The following PDGFC variants were observed in gnomAD, a reference collection of about 807,000 sequenced individuals.
PDGFC encodes platelet-derived growth factor C.
PDGFC carries 12 observed loss-of-function variants against 35.5 expected under a neutral mutation model. The observed-to-expected ratio is 0.34, with a 90% CI of 0.22 to 0.55. PDGFC has a LOEUF of 0.55. Ranked by LOEUF, PDGFC falls within the 20% of genes least tolerant of loss-of-function variation. The pLI, the probability that PDGFC is intolerant of heterozygous loss-of-function variation, is 0.91. For missense variants in PDGFC, 322 were observed against 412.4 expected, an observed-to-expected ratio of 0.78 and a Z score of 1.90; for synonymous variants, 159 against 148.8, an observed-to-expected ratio of 1.07 and a Z score of -0.50.
chr4:156,950,642 A>T (rs1004826082), intron 1 of PDGFC, among the ~76,000 whole-genome samples: 1 of 151,756 alleles, frequency 6.6e-6, no homozygotes, highest in South Asian at 2.1e-4. Context: ...TAACTTCTAA[A>T]CCTAAGAGGT....
chr4:156,930,030 G>C (rs992794366), intron 1 of PDGFC, among the ~76,000 whole-genome samples: 1 of 152,166 alleles, frequency 6.6e-6, no homozygotes, highest in African/African-American at 2.4e-5. Context: ...AAATGAACTG[G>C]TTGACTAACT....
chr4:156,886,325 T>C (rs1300569034), intron 1 of PDGFC, among the ~76,000 whole-genome samples: 4 of 152,186 alleles, frequency 2.6e-5, no homozygotes, highest in Non-Finnish European at 4.4e-5. Flanking sequence ...AAGTGCAGTA[T>C]TCCTAAAAGA....
rs190341990 is a variant in PDGFC at position 156,909,941 on chromosome 4, G to A, written c.119-59525C>T. On this transcript the variant is annotated intron_variant, in intron 1 of 5. Transcript: ENST00000502773. ...AAATTTGACAACAGAGCCACAGGGG[G>A]AAAATCATGAGAAAATAAAGGTAAA... Among the ~76,000 whole-genome samples, 275 of 152,176 alleles carry A rather than the reference G, an allele frequency of 1.8e-3. 1 individual carries two copies. The highest frequency in any genetic ancestry group is 1.4e-3 in the Non-Finnish European group (92 of 67,982).
At chr4:156,902,644 G>C (rs1730817246) in intron 1 of PDGFC, among the ~76,000 whole-genome samples, 1 of 151,824 alleles carries the variant, frequency 6.6e-6, no homozygotes, top group Admixed American at 6.6e-5. Flanking sequence ...TATCATTACT[G>C]AATAGTATTT....
At chr4:156,845,868 C>A (rs1729314235) in intron 2 of PDGFC, among the ~76,000 whole-genome samples, 1 of 151,576 alleles carries the variant, frequency 6.6e-6, no homozygotes, top group African/African-American at 2.4e-5. Context: ...CATAACAGAG[C>A]CAAAATTTGT....
At chr4:156,917,734 GTACA>G in intron 1 of PDGFC, among the ~76,000 whole-genome samples, 1 of 152,250 alleles carries the variant, frequency 6.6e-6, no homozygotes, top group African/African-American at 2.4e-5. Flanking sequence ...CCTACCTAAT[GTACA>G]TGAGTTACAC....
chr4:156,924,363 C>T (rs1285791746), intron 1 of PDGFC, among the ~76,000 whole-genome samples: 4 of 152,254 alleles, frequency 2.6e-5, no homozygotes, highest in African/African-American at 7.2e-5. Context: ...AGTTATTGGA[C>T]ATACTAAAGT....
intron 1 of PDGFC, among the ~76,000 whole-genome samples, chr4:156,916,598 A>G (rs1165294352): frequency 2.0e-5 from 3 of 152,174 alleles, no homozygotes; most frequent in African/African-American, 4.8e-5. Flanking sequence ...ACTCAAGGAA[A>G]TATCAAGCTC....
chr4:156,763,653 G>A (rs1423798769), intron 5 of PDGFC, among the ~76,000 whole-genome samples: 1 of 152,120 alleles, frequency 6.6e-6, no homozygotes, highest in Non-Finnish European at 1.5e-5. Flanking sequence ...GAAATACTGT[G>A]GAAAGAAACA....
chr4:156,933,474 C>T (rs952377828), intron 1 of PDGFC, among the ~76,000 whole-genome samples: 1 of 152,210 alleles, frequency 6.6e-6, no homozygotes, highest in South Asian at 2.1e-4. Context: ...CTTGTTCCAA[C>T]TCCCAAACTG....
chr4:156,824,327 T>C (rs377052892), intron 2 of PDGFC, among the ~76,000 whole-genome samples: 30,206 of 101,930 alleles, frequency 0.3, 4,692 homozygotes, highest in South Asian at 0.41. Context: ...TATATATATA[T>C]ACACACACAC....
chr4:156,777,478 T>C (rs1265791691), intron 3 of PDGFC, among the ~76,000 whole-genome samples: 2 of 152,132 alleles, frequency 1.3e-5, no homozygotes, highest in Admixed American at 6.5e-5. Context: ...GGTGTTCTTA[T>C]AGTAAGAGAA....
intron 1 of PDGFC, among the ~76,000 whole-genome samples, chr4:156,892,913 T>C (rs1375711258): frequency 6.6e-6 from 1 of 152,202 alleles, no homozygotes; most frequent in Non-Finnish European, 1.5e-5. Flanking sequence ...TTTAGAGGAC[T>C]TGACCTTCCT....
chr4:156,889,042 C>T (rs1579079124), intron 1 of PDGFC, among the ~76,000 whole-genome samples: 1 of 152,132 alleles, frequency 6.6e-6, no homozygotes, highest in East Asian at 1.9e-4. Flanking sequence ...CGTCGTGTGT[C>T]TACTACCACG....
intron 1 of PDGFC, among the ~76,000 whole-genome samples, chr4:156,858,153 C>T (rs766646933): frequency 1.3e-5 from 2 of 151,966 alleles, no homozygotes; most frequent in African/African-American, 4.8e-5. Flanking sequence ...GAAAATATCC[C>T]AATTTGCATC....
intron 3 of PDGFC, among the ~76,000 whole-genome samples, chr4:156,792,001 T>C (rs1022374706): frequency 3.9e-5 from 6 of 152,212 alleles, no homozygotes; most frequent in Non-Finnish European, 8.8e-5. Flanking sequence ...CTCCCGTTTA[T>C]TATTCAAAGA....
At chr4:156,955,965 C>A (rs1732199245) in intron 1 of PDGFC, among the ~76,000 whole-genome samples, 1 of 152,022 alleles carries the variant, frequency 6.6e-6, no homozygotes, top group Admixed American at 6.6e-5. Context: ...TCAGTGATAA[C>A]CCCATGAGAA....
At position 156,970,936 on chromosome 4, in the gene PDGFC, G is replaced by A. The variant is rs372145126; in HGVS notation, c.-33C>T. 19 of 1,439,834 alleles carry A rather than the reference G, an allele frequency of 1.3e-5. No homozygotes were observed. The highest frequency in any genetic ancestry group is 2.3e-5 in the East Asian group (1 of 43,728). 89.2% of individuals were successfully genotyped at this position (1,439,834 alleles called of 1,614,324 possible). A position where few individuals can be genotyped will look rare whatever the true frequency, so the allele number is the denominator to read the frequency against. On this transcript the variant is annotated 5_prime_UTR_variant, in exon 1 of 6. Coordinates refer to ENST00000502773, the MANE Select transcript of PDGFC (RefSeq NM_016205.3). ...ACTGGGGTGAGAGCTCACTCACGGC[G>A]GGCACTTTGGAAGCAGCGACTCCCG... is the stretch of plus-strand genomic sequence containing the variant.
chr4:156,861,423 G>A, intron 1 of PDGFC: 1 of 1,164,228 alleles, frequency 8.6e-7, no homozygotes, highest in Non-Finnish European at 1.1e-6. Context: ...TATACGTTTT[G>A]CTTACCTTTT....
Sources: gnomAD v4.1 joint callset for allele counts (sites outside exome capture counted in the v4.1 genomes callset) on GRCh38, gnomAD v4.1.1 for gene constraint, MANE v1.5 for transcripts, NCBI Gene and HGNC (gene_info 2026-07-23, HGNC 2026-07-21) for gene names.